The following NDUFAF2 variants were observed in gnomAD, a reference collection of about 807,000 sequenced individuals.
The protein encoded by NDUFAF2 is NADH dehydrogenase [ubiquinone] 1 alpha subcomplex assembly factor 2.
A neutral mutation model predicts 22.8 loss-of-function variants in NDUFAF2; 13 were observed. The ratio of observed to expected loss-of-function variants is 0.57; its 90% CI spans 0.37 to 0.91. NDUFAF2 has a LOEUF of 0.91. Ranked by LOEUF, NDUFAF2 falls within the 40% of genes least tolerant of loss-of-function variation. The probability of loss-of-function intolerance (pLI) is 0.01; values close to 1 mark genes in which losing one functional copy is unlikely to be tolerated. For missense variants in NDUFAF2, 162 were observed against 195.2 expected, an observed-to-expected ratio of 0.83 and a Z score of 1.01; for synonymous variants, 53 against 64.2, an observed-to-expected ratio of 0.83 and a Z score of 0.84.
At chr5:60,977,280 T>C (rs1168442121) in intron 1 of NDUFAF2, among the ~76,000 whole-genome samples, 1 of 151,606 alleles carries the variant, frequency 6.6e-6, no homozygotes, top group Non-Finnish European at 1.5e-5. Flanking sequence ...ATACAAAACA[T>C]TAGCTGGGCA....
intron 3 of NDUFAF2, among the ~76,000 whole-genome samples, chr5:61,151,811 A>C (rs9763548): frequency 0.025 from 3,710 of 149,650 alleles, 64 homozygotes; most frequent in Non-Finnish European, 0.038. Flanking sequence ...ACAAAAAAAA[A>C]CCAAAACAAA....
At chr5:61,091,444 A>G (rs1752567801) in intron 2 of NDUFAF2, among the ~76,000 whole-genome samples, 1 of 151,998 alleles carries the variant, frequency 6.6e-6, no homozygotes, top group African/African-American at 2.4e-5. Context: ...TTATTTTATG[A>G]TTGTTGACCA....
chr5:61,078,086 T>C (rs1391806852), intron 2 of NDUFAF2, among the ~76,000 whole-genome samples: 1 of 152,144 alleles, frequency 6.6e-6, no homozygotes, highest in Non-Finnish European at 1.5e-5. Context: ...TCACCCCCAG[T>C]GATAGGTGAG....
chr5:61,075,818 A>G (rs1173482103), intron 2 of NDUFAF2, among the ~76,000 whole-genome samples: 1 of 152,212 alleles, frequency 6.6e-6, no homozygotes, highest in African/African-American at 2.4e-5. Flanking sequence ...TCAGGTTCAG[A>G]TGAATATTGT....
intron 3 of NDUFAF2, 54 bp downstream of exon 3, chr5:61,099,086 C>A: frequency 1.6e-6 from 2 of 1,267,126 alleles, no homozygotes; most frequent in Non-Finnish European, 2.2e-6. Flanking sequence ...CAAGGATATA[C>A]GAAGCTTCAG....
In NDUFAF2 at chr5:60,957,163, A is replaced by G. The variant is rs1215090226; in HGVS notation, c.127+11781A>G. On this transcript the variant is annotated intron_variant, in intron 1 of 3. Transcript: ENST00000296597. ...CTGTTTTATTTATTTTTAATTATTG[A>G]ATTAAAATATAGTAGAGAGAATGAG... Among the ~76,000 whole-genome samples, 8 of 152,212 alleles carry G rather than the reference A, an allele frequency of 5.3e-5. 1 individual carries two copies. In the East Asian group the frequency reaches 1.4e-3, roughly 26 times the overall value.
intron 1 of NDUFAF2, among the ~76,000 whole-genome samples, chr5:60,971,612 C>G (rs1284346590): frequency 2.7e-5 from 4 of 149,752 alleles, no homozygotes; most frequent in Non-Finnish European, 5.9e-5. Context: ...TCCCTCCCCC[C>G]TCCCCCAACC....
chr5:61,145,202 C>A (rs1158909235), intron 3 of NDUFAF2, among the ~76,000 whole-genome samples: 1 of 152,110 alleles, frequency 6.6e-6, no homozygotes, highest in Non-Finnish European at 1.5e-5. Flanking sequence ...GGGCTCTTAA[C>A]CAGGGCTCTT....
intron 1 of NDUFAF2, among the ~76,000 whole-genome samples, chr5:60,982,926 G>T (rs1161303572): frequency 2.0e-5 from 3 of 151,914 alleles, no homozygotes; most frequent in Non-Finnish European, 2.9e-5. Flanking sequence ...GTAATGGGAT[G>T]GCTGGGTCAA....
At chr5:61,108,613 A>G (rs966240743) in intron 3 of NDUFAF2, among the ~76,000 whole-genome samples, 1 of 147,524 alleles carries the variant, frequency 6.8e-6, no homozygotes, top group Non-Finnish European at 1.5e-5. Context: ...AAAGTCTTCG[A>G]TCCATTTTGG....
chr5:60,989,394 A>G (rs1751127010), intron 1 of NDUFAF2, among the ~76,000 whole-genome samples: 1 of 152,180 alleles, frequency 6.6e-6, no homozygotes, highest in Admixed American at 6.5e-5. Flanking sequence ...CCCAGCCATC[A>G]CATTATTGGG....
At chr5:60,958,573 G>T (rs757728093) in intron 1 of NDUFAF2, among the ~76,000 whole-genome samples, 1 of 152,036 alleles carries the variant, frequency 6.6e-6, no homozygotes, top group Non-Finnish European at 1.5e-5. Context: ...TGAAGTGATT[G>T]TTATGTTTCT....
intron 3 of NDUFAF2, among the ~76,000 whole-genome samples, chr5:61,099,383 C>G (rs1441643633): frequency 6.6e-6 from 1 of 151,320 alleles, no homozygotes; most frequent in African/African-American, 2.4e-5. Context: ...AATACTCAAG[C>G]TTTTGTGGAA....
chr5:61,099,250 T>C (rs1752678485), intron 3 of NDUFAF2, among the ~76,000 whole-genome samples: 2 of 151,072 alleles, frequency 1.3e-5, no homozygotes, highest in African/African-American at 4.8e-5. Context: ...TAACAAAATT[T>C]GTATAAATTT....
At chr5:60,992,954 A>G (rs1042379127) in intron 1 of NDUFAF2, among the ~76,000 whole-genome samples, 1 of 152,140 alleles carries the variant, frequency 6.6e-6, no homozygotes, top group African/African-American at 2.4e-5. Context: ...GGCCTGTGGC[A>G]CCTTTGCCTG....
chr5:61,094,232 A>T (rs1363256695), intron 2 of NDUFAF2, among the ~76,000 whole-genome samples: 1 of 152,110 alleles, frequency 6.6e-6, no homozygotes, highest in Non-Finnish European at 1.5e-5. Flanking sequence ...TTTCAGAAAG[A>T]CCGTTTTCAA....
chr5:61,102,655 T>A (rs997694672), intron 3 of NDUFAF2, among the ~76,000 whole-genome samples: 2 of 152,112 alleles, frequency 1.3e-5, no homozygotes, highest in African/African-American at 4.8e-5. Context: ...ATTAATCAGA[T>A]TTAATCAGAA....
intron 3 of NDUFAF2, among the ~76,000 whole-genome samples, chr5:61,124,905 G>A (rs755764421): frequency 6.6e-6 from 1 of 152,058 alleles, no homozygotes; most frequent in Non-Finnish European, 1.5e-5. Context: ...GAGGCCTCAG[G>A]AAACTTAACA....
chr5:61,038,986 T>C (rs1318633821), intron 1 of NDUFAF2, among the ~76,000 whole-genome samples: 1 of 152,126 alleles, frequency 6.6e-6, no homozygotes, highest in African/African-American at 2.4e-5. Context: ...TTCTTCATTA[T>C]TACTTGCTAA....
Sources: allele counts gnomAD v4.1 joint callset (sites outside exome capture counted in the v4.1 genomes callset), GRCh38; gene constraint gnomAD v4.1.1; transcripts MANE v1.5; gene names NCBI Gene and HGNC (gene_info 2026-07-23, HGNC 2026-07-21).